LRP8: variants seen among roughly 807,000 people sequenced by gnomAD.
The protein encoded by LRP8 is low-density lipoprotein receptor-related protein 8.
In LRP8, 46 loss-of-function variants were observed where a neutral mutation model predicts 111.6. The observed-to-expected ratio is 0.41, with a 90% confidence interval of 0.33 to 0.53. The LOEUF is 0.53. Among genes scored for constraint, LRP8 ranks in the 20% least tolerant of loss-of-function variants. LRP8 has a pLI of 0.20. For missense variants in LRP8, 959 were observed against 1,297.4 expected, an observed-to-expected ratio of 0.74 and a Z score of 4.01; for synonymous variants, 464 against 511.2, an observed-to-expected ratio of 0.91 and a Z score of 1.24.
intron 2 of LRP8, among the ~76,000 whole-genome samples, chr1:53,298,269 G>A (rs1056976448): frequency 3.9e-5 from 6 of 152,112 alleles, no homozygotes; most frequent in Non-Finnish European, 4.4e-5. Flanking sequence ...GAGCGTCTCC[G>A]AGGGACAGAC....
At position 53,327,790 on chromosome 1, in the gene LRP8, T is replaced by C; in HGVS notation, c.123A>G (p.Gln41=). 1 of 1,511,082 alleles carries C rather than the reference T, an allele frequency of 6.6e-7. No individual in the cohort carries two copies. Among genetic ancestry groups the C allele is most frequent in the Non-Finnish European group, 8.8e-7 (1 of 1,135,348 alleles). The allele number at this position is 1,511,082 out of a possible 1,614,324, so 93.6% of individuals were successfully genotyped here. The change falls in exon 1 of 19, where the codon CAA becomes CAG. Residue 41 remains glutamine, a splice_region_variant and synonymous_variant. Coordinates refer to ENST00000306052, the MANE Select transcript of LRP8 (RefSeq NM_004631.5). ...GAGTCAGAGACCGGCTGCACGCACC[T>C]TGGCCGCCGAGCAGCGGATCAGCCG... The part of the protein sequence containing the change: ...AAAADPLLGG[Q]GPAKDCEKDQ...
intron 13 of LRP8, among the ~76,000 whole-genome samples, chr1:53,259,592 T>G (rs992288655): frequency 1.1e-4 from 16 of 152,078 alleles, no homozygotes; most frequent in African/African-American, 3.9e-4. Context: ...ATTTTTTTTT[T>G]TTTTAAGAGG....
intron 8 of LRP8, among the ~76,000 whole-genome samples, chr1:53,268,790 T>G (rs1438760006): frequency 2.0e-5 from 3 of 152,178 alleles, no homozygotes; most frequent in Non-Finnish European, 4.4e-5. Flanking sequence ...TTTTCCACAT[T>G]CCACATTCAA....
At chr1:53,247,103 C>A in intron 18 of LRP8, 47 bp from the exon 19 acceptor site, 1 of 1,481,660 alleles carries the variant, frequency 6.7e-7, no homozygotes. Flanking sequence ...ATAAGAGTTA[C>A]TATTTATTTA....
rs777846805 is a variant in LRP8 at position 53,257,237 on chromosome 1, TAC to T, written c.2434+1_2434+2del. The T allele has an allele frequency of 6.2e-7, 1 of 1,613,890 alleles. No individual in the cohort carries two copies. Among genetic ancestry groups the T allele is most frequent in the South Asian group, 1.1e-5 (1 of 91,068 alleles). On this transcript the variant is annotated splice_donor_variant, in intron 15 of 18. Transcript: ENST00000306052. LOFTEE classifies it high-confidence loss of function. ...TGAAAGAATGCAGAACTCATTTCCT[TAC>T]AGTGCTGGGAGTGGTTGCTGGTTGC...
chr1:53,323,327 G>T (rs1008795955), intron 2 of LRP8, among the ~76,000 whole-genome samples: 1 of 152,218 alleles, frequency 6.6e-6, no homozygotes, highest in East Asian at 1.9e-4. Context: ...GGAACGAGGG[G>T]CGATGTGTGG....
At chr1:53,292,298 A>C (rs1022304537) in intron 2 of LRP8, among the ~76,000 whole-genome samples, 9 of 152,250 alleles carry the variant, frequency 5.9e-5, no homozygotes, top group African/African-American at 2.2e-4. Flanking sequence ...CAGAACTAGA[A>C]GAAACCTGAG....
chr1:53,278,280 C>T (rs1646991009), intron 4 of LRP8, among the ~76,000 whole-genome samples: 1 of 152,206 alleles, frequency 6.6e-6, no homozygotes, highest in South Asian at 2.1e-4. Flanking sequence ...GTGACCTCCT[C>T]ACTTCCCTCC....
At chr1:53,283,239 A>C (rs1006249381) in intron 3 of LRP8, among the ~76,000 whole-genome samples, 2 of 152,074 alleles carry the variant, frequency 1.3e-5, no homozygotes, top group African/African-American at 4.8e-5. Flanking sequence ...AAGGAGGTGC[A>C]GTCTATGAGG....
intron 2 of LRP8, among the ~76,000 whole-genome samples, chr1:53,315,938 A>G (rs1386633800): frequency 1.6e-4 from 25 of 152,126 alleles, no homozygotes; most frequent in Admixed American, 1.6e-3. Flanking sequence ...GGAGAGACCA[A>G]GGGCCAGAGG....
At chr1:53,319,297 G>A (rs1356083353) in intron 2 of LRP8, among the ~76,000 whole-genome samples, 1 of 152,212 alleles carries the variant, frequency 6.6e-6, no homozygotes, top group African/African-American at 2.4e-5. Context: ...CCAGTGACCA[G>A]GGGAGGATGG....
Position 53,246,473 on chromosome 1 carries a change from T to C in LRP8, c.*545A>G, listed in dbSNP as rs1645729363. 1 of 152,196 alleles carries C rather than the reference T, an allele frequency of 6.6e-6. No individual in the cohort carries two copies. The highest frequency in any genetic ancestry group is 2.1e-4 in the South Asian group (1 of 4,814). The allele number at this position is 152,196 out of a possible 1,614,324, so 9.4% of individuals were successfully genotyped here. A position where few individuals can be genotyped will look rare whatever the true frequency, so the allele number is the denominator to read the frequency against. On this transcript the variant is annotated 3_prime_UTR_variant, in exon 19 of 19. Coordinates refer to ENST00000306052, the MANE Select transcript of LRP8 (RefSeq NM_004631.5). The stretch of plus-strand genomic sequence containing the variant: ...CATGCCAAAAATAAATACTCTCACT[T>C]CTCTAAATTATTTATAGAACTCATC...
At chr1:53,325,562 TA>T (rs1655024416) in intron 2 of LRP8, among the ~76,000 whole-genome samples, 1 of 152,370 alleles carries the variant, frequency 6.6e-6, no homozygotes, top group Admixed American at 6.5e-5. Flanking sequence ...AAAGATGTGC[TA>T]GAGACATAGA....
chr1:53,312,429 A>C (rs1311292799), intron 2 of LRP8, among the ~76,000 whole-genome samples: 1 of 152,146 alleles, frequency 6.6e-6, no homozygotes, highest in Admixed American at 6.5e-5. Flanking sequence ...CAGCGGCATG[A>C]CTATAGCCCA....
chr1:53,300,168 C>T (rs1650532530), intron 2 of LRP8, among the ~76,000 whole-genome samples: 1 of 152,240 alleles, frequency 6.6e-6, no homozygotes, highest in Non-Finnish European at 1.5e-5. Flanking sequence ...CTGGCCCATC[C>T]CTGGCCATCA....
At chr1:53,302,940 T>A (rs2100500969) in intron 2 of LRP8, among the ~76,000 whole-genome samples, 1 of 150,234 alleles carries the variant, frequency 6.7e-6, no homozygotes, top group East Asian at 2.0e-4. Context: ...CAGCAGGTGA[T>A]CCAGAGTCAG....
intron 2 of LRP8, among the ~76,000 whole-genome samples, chr1:53,306,702 A>G (rs1652032423): frequency 1.3e-5 from 2 of 152,134 alleles, no homozygotes; most frequent in Admixed American, 1.3e-4. Flanking sequence ...ACAGGTTCAG[A>G]GTCTGCAAGG....
chr1:53,319,244 C>A (rs1189411881), intron 2 of LRP8, among the ~76,000 whole-genome samples: 1 of 152,148 alleles, frequency 6.6e-6, no homozygotes, highest in Non-Finnish European at 1.5e-5. Context: ...ACTAAGATGC[C>A]CTCCAGAGTG....
intron 8 of LRP8, among the ~76,000 whole-genome samples, chr1:53,269,556 C>T (rs1311438132): frequency 6.6e-6 from 1 of 152,072 alleles, no homozygotes; most frequent in Non-Finnish European, 1.5e-5. Flanking sequence ...CTCAAGTGAT[C>T]TTCCTGCCTA....
Sources: allele counts gnomAD v4.1 joint callset (sites outside exome capture counted in the v4.1 genomes callset), GRCh38; gene constraint gnomAD v4.1.1; transcripts MANE v1.5; gene names NCBI Gene and HGNC (gene_info 2026-07-23, HGNC 2026-07-21).